Variants in SLC9A1 observed in about 807,000 individuals in gnomAD.
SLC9A1 encodes sodium/hydrogen exchanger 1.
SLC9A1 carries 22 observed loss-of-function variants against 67.9 expected under a neutral mutation model. The observed-to-expected ratio is 0.32, with a 90% CI of 0.23 to 0.46. The LOEUF is 0.46. Among genes scored for constraint, SLC9A1 ranks in the 20% least tolerant of loss-of-function variants. The pLI is 1.00. For missense variants in SLC9A1, 686 were observed against 1,094.8 expected, an observed-to-expected ratio of 0.63 and a Z score of 5.27; for synonymous variants, 421 against 471.8, an observed-to-expected ratio of 0.89 and a Z score of 1.40.
intron 4 of SLC9A1, 82 bp downstream of exon 4, chr1:27,107,566 C>T (rs2083196939): frequency 9.5e-7 from 1 of 1,050,736 alleles, no homozygotes; most frequent in Non-Finnish European, 1.4e-6. Flanking sequence ...CTGCACACAC[C>T]ACACACACAG....
At chr1:27,113,188 T>C (rs1053609697) in intron 2 of SLC9A1, among the ~76,000 whole-genome samples, 1 of 151,744 alleles carries the variant, frequency 6.6e-6, no homozygotes, top group African/African-American at 2.4e-5. Context: ...GCCAGGCTTG[T>C]TGGCTTAGGT....
intron 1 of SLC9A1, among the ~76,000 whole-genome samples, chr1:27,134,146 C>G (rs2083404141): frequency 6.6e-6 from 1 of 152,168 alleles, no homozygotes; most frequent in Non-Finnish European, 1.5e-5. Flanking sequence ...GAGCTGAGCT[C>G]TGGCCCAGAG....
chr1:27,131,961 T>A (rs1180381187), intron 1 of SLC9A1, among the ~76,000 whole-genome samples: 36 of 124,490 alleles, frequency 2.9e-4, no homozygotes, highest in African/African-American at 1.0e-3. Flanking sequence ...TATATATATA[T>A]ATATATATAT....
rs2083428321 is a variant in SLC9A1 at position 27,137,717 on chromosome 1, A to C, written c.352+16266T>G. 6.6e-6 allele frequency among the ~76,000 whole-genome samples: 1 copy of C among 152,184 alleles called. No homozygotes were observed. ...ACACGCATGTCCAACCCTGGTGTTC[A>C]GCAATGCCACGCCTCCCACATGACA... On this transcript the variant is annotated intron_variant, in intron 1 of 11. Transcript: ENST00000263980. The surrounding 1 kb of genome is among the most constrained non-coding windows in gnomAD (Gnocchi z 4.6).
intron 3 of SLC9A1, among the ~76,000 whole-genome samples, 197 bp from the exon 4 acceptor site, chr1:27,108,062 A>ATTTTT (rs1026584834): frequency 3.7e-5 from 4 of 108,910 alleles, no homozygotes; most frequent in Non-Finnish European, 5.6e-5. Flanking sequence ...GTATTCCTCC[A>ATTTTT]TTTTTTTTTT....
At chr1:27,152,539 G>A (rs917489476) in intron 1 of SLC9A1, among the ~76,000 whole-genome samples, 8 of 152,152 alleles carry the variant, frequency 5.3e-5, no homozygotes, top group African/African-American at 1.7e-4. Flanking sequence ...CACAGGTGAG[G>A]GAGACCTGCA....
At chr1:27,117,347 C>T (rs780458153) in intron 1 of SLC9A1, among the ~76,000 whole-genome samples, 1 of 152,162 alleles carries the variant, frequency 6.6e-6, no homozygotes, top group Non-Finnish European at 1.5e-5. Context: ...CCTGTCCTGG[C>T]GTTAGCACCA....
Position 27,114,289 on chromosome 1 carries a change from G to A in SLC9A1, c.353-3C>T. Reference sequence around the variant, plus strand: ...GATAGTGGGGATCACATGGAAACCTGCGGAGGGCGAGAGAACGGGAGGCCA... The same window carrying A: ...GATAGTGGGGATCACATGGAAACCTACGGAGGGCGAGAGAACGGGAGGCCA... On this transcript the variant is annotated splice_polypyrimidine_tract_variant and splice_region_variant and intron_variant, in intron 1 of 11. Coordinates refer to ENST00000263980, the MANE Select transcript of SLC9A1 (RefSeq NM_003047.5). This position sits in a 1 kb window ranked among gnomAD's most constrained non-coding sequence, Gnocchi z 5.4. 1.2e-6 allele frequency: 2 copies of A among 1,603,388 alleles called. No homozygotes were observed. Among genetic ancestry groups the A allele is most frequent in the Non-Finnish European group, 1.7e-6 (2 of 1,171,660 alleles).
At position 27,114,373 on chromosome 1, in the gene SLC9A1, G is replaced by A. The variant is rs1423213882; in HGVS notation, c.353-87C>T. 1.6e-5 allele frequency: 17 copies of A among 1,084,296 alleles called. No homozygotes were observed. The highest frequency in any genetic ancestry group is 7.0e-5 in the Admixed American group (3 of 43,084). 67.2% of individuals were successfully genotyped at this position (1,084,296 alleles called of 1,614,324 possible). Reference sequence around the variant, plus strand: ...TGGGGATGGGCCGGGGATGAGGAGCGCAGTTGGTGAGAGGTGCACAGGCTG... The same window carrying A: ...TGGGGATGGGCCGGGGATGAGGAGCACAGTTGGTGAGAGGTGCACAGGCTG... On this transcript the variant is annotated intron_variant, in intron 1 of 11. Coordinates refer to ENST00000263980, the MANE Select transcript of SLC9A1 (RefSeq NM_003047.5). The surrounding 1 kb of genome is among the most constrained non-coding windows in gnomAD (Gnocchi z 5.4).
At chr1:27,115,215 C>T (rs1308714945) in intron 1 of SLC9A1, among the ~76,000 whole-genome samples, 1 of 152,148 alleles carries the variant, frequency 6.6e-6, no homozygotes, top group African/African-American at 2.4e-5. Flanking sequence ...CTCACACACC[C>T]CTCTGCCTGG....
chr1:27,128,144 A>G (rs2083358233), intron 1 of SLC9A1, among the ~76,000 whole-genome samples: 1 of 152,252 alleles, frequency 6.6e-6, no homozygotes, highest in African/African-American at 2.4e-5. Flanking sequence ...ACGAGGCAGC[A>G]GCGGGCAGCG....
intron 1 of SLC9A1, among the ~76,000 whole-genome samples, chr1:27,128,649 C>T (rs886496946): frequency 3.2e-4 from 46 of 145,624 alleles, no homozygotes; most frequent in Admixed American, 6.2e-4. Flanking sequence ...AGGGTGAGAC[C>T]CTGTCTTTAA....
rs532322227 is a variant in SLC9A1, at chr1:27,121,619, GT to G, written c.353-7334del. The stretch of plus-strand genomic sequence containing the variant: ...GAGAGGCTGTTCCGGAGGCAGGCAT[GT>G]TGTGATAGAGGATCACAGCCTCAGC... On this transcript the variant is annotated intron_variant, in intron 1 of 11. Transcript: ENST00000263980. 2.0e-5 allele frequency among the ~76,000 whole-genome samples: 3 copies of G among 152,280 alleles called. No homozygotes were observed. In the South Asian group the frequency reaches 6.2e-4, roughly 32 times the overall value.
intron 2 of SLC9A1, among the ~76,000 whole-genome samples, chr1:27,111,346 G>C (rs1281430804): frequency 6.6e-6 from 1 of 152,192 alleles, no homozygotes; most frequent in Non-Finnish European, 1.5e-5. Context: ...GAGTAACACA[G>C]TGGTAAGCAC....
intron 1 of SLC9A1, among the ~76,000 whole-genome samples, chr1:27,126,819 G>A (rs1393594332): frequency 6.6e-6 from 1 of 152,148 alleles, no homozygotes; most frequent in East Asian, 1.9e-4. Flanking sequence ...ATATTTTTGG[G>A]TTTAACTTAA....
In SLC9A1 at chr1:27,101,560, C is replaced by T. The variant is rs1047663761; in HGVS notation, c.2037+165G>A. ...ACCCAGGCCATGCCCCACAACCCCACGCCAATCCCTTGCTTAGAACTCATG... is the reference window on the plus strand; with the variant it reads ...ACCCAGGCCATGCCCCACAACCCCATGCCAATCCCTTGCTTAGAACTCATG... On this transcript the variant is annotated intron_variant, in intron 10 of 11. Transcript: ENST00000263980. The surrounding 1 kb of genome is among the most constrained non-coding windows in gnomAD (Gnocchi z 4.9). Among the ~76,000 whole-genome samples the T allele has an allele frequency of 4.6e-5, 7 of 152,326 alleles. No individual in the cohort carries two copies. The highest frequency in any genetic ancestry group is 4.1e-4 in the South Asian group (2 of 4,830).
At chr1:27,125,495 C>T (rs1172971852) in intron 1 of SLC9A1, among the ~76,000 whole-genome samples, 1 of 152,116 alleles carries the variant, frequency 6.6e-6, no homozygotes, top group Admixed American at 6.5e-5. Flanking sequence ...ATCTGCCCAC[C>T]GTGGCCTCCC....
At chr1:27,110,312 G>A (rs543066276) in intron 2 of SLC9A1, among the ~76,000 whole-genome samples, 7 of 152,242 alleles carry the variant, frequency 4.6e-5, no homozygotes, top group African/African-American at 1.7e-4. Flanking sequence ...AAAAAGGGAC[G>A]TTCACACAAT....
intron 1 of SLC9A1, among the ~76,000 whole-genome samples, chr1:27,143,859 T>C (rs1462024555): frequency 2.6e-5 from 4 of 152,178 alleles, no homozygotes; most frequent in Non-Finnish European, 5.9e-5. Context: ...CACACTCACA[T>C]ACTCAATATA....
Sources: gnomAD v4.1 joint callset for allele counts (sites outside exome capture counted in the v4.1 genomes callset) on GRCh38, gnomAD v4.1.1 for gene constraint, Gnocchi (gnomAD v3.1) non-coding constraint, MANE v1.5 for transcripts, NCBI Gene and HGNC (gene_info 2026-07-23, HGNC 2026-07-21) for gene names.